Variants in EML1 observed in about 807,000 individuals in gnomAD.
EML1 encodes the protein EMAP like 1, also known as echinoderm microtubule-associated protein-like 1.
In EML1, 27 loss-of-function variants were observed where a neutral mutation model predicts 110.4. The ratio of observed to expected loss-of-function variants is 0.24; its 90% confidence interval spans 0.18 to 0.34. The LOEUF (loss-of-function observed/expected upper bound fraction) is 0.34. Among genes scored for constraint, EML1 ranks in the 10% least tolerant of loss-of-function variants. EML1 has a pLI of 1.00. For synonymous variants in EML1, 344 were observed against 385.8 expected, an observed-to-expected ratio of 0.89 and a Z score of 1.27; for missense variants, 741 against 1,030.9, an observed-to-expected ratio of 0.72 and a Z score of 3.85.
At chr14:99,889,887 C>T (rs2059556924) in intron 4 of EML1, among the ~76,000 whole-genome samples, 1 of 152,084 alleles carries the variant, frequency 6.6e-6, no homozygotes, top group Non-Finnish European at 1.5e-5. Context: ...CTATAGCTTA[C>T]AAAACTACTT....
chr14:99,894,401 G>T (rs180843922), intron 5 of EML1: 5 of 305,242 alleles, frequency 1.6e-5, no homozygotes, highest in Non-Finnish European at 1.7e-5. Context: ...TTACAATTTC[G>T]TAGGTATCTC....
At chr14:99,846,981 AGTG>A in intron 1 of EML1, among the ~76,000 whole-genome samples, 1 of 152,316 alleles carries the variant, frequency 6.6e-6, no homozygotes, top group South Asian at 2.1e-4. Flanking sequence ...TTTCTAAAAC[AGTG>A]GTTTTAAAGC....
intron 1 of EML1, among the ~76,000 whole-genome samples, chr14:99,807,858 T>G (rs2058006515): frequency 6.6e-6 from 1 of 152,164 alleles, no homozygotes; most frequent in African/African-American, 2.4e-5. Context: ...TGGGTTGACT[T>G]ATCCTCATTC....
At chr14:99,917,636 T>C in intron 15 of EML1, 146 bp from the exon 16 acceptor site, 1 of 753,954 alleles carries the variant, frequency 1.3e-6, no homozygotes, top group Non-Finnish European at 2.1e-6. Flanking sequence ...CATTTTTCTC[T>C]AGAAAAGAGA....
At chr14:99,793,227 CCACGTCCCCCTCCCGGCCCGG>C, upstream of EML1, 1 of 592,226 alleles carries the variant, frequency 1.7e-6, no homozygotes, top group Non-Finnish European at 2.1e-6. Flanking sequence ...CCCCGCCCCG[CCACGTCCCCCTCCCGGCCCGG>C]GCCCCGCGGC....
At chr14:99,803,214 G>A (rs578099261) in intron 1 of EML1, among the ~76,000 whole-genome samples, 3 of 152,248 alleles carry the variant, frequency 2.0e-5, no homozygotes, top group African/African-American at 7.2e-5. Context: ...TTATCTTATA[G>A]CACCTCCTCA....
chr14:99,809,523 G>A (rs1316487673), intron 1 of EML1: 5 of 402,432 alleles, frequency 1.2e-5, no homozygotes, highest in African/African-American at 6.2e-5. Flanking sequence ...CGCCCTGGTC[G>A]GCACCCTGGG....
chr14:99,879,339 T>C (rs2059347160), intron 4 of EML1, among the ~76,000 whole-genome samples: 1 of 152,230 alleles, frequency 6.6e-6, no homozygotes, highest in African/African-American at 2.4e-5. Flanking sequence ...TTACCTAACA[T>C]TGTACTTTGT....
intron 9 of EML1, among the ~76,000 whole-genome samples, chr14:99,901,768 C>A (rs1422813526): frequency 2.0e-5 from 3 of 152,132 alleles, no homozygotes; most frequent in African/African-American, 7.2e-5. Context: ...TTACTGCAAG[C>A]GGTTATATCA....
In EML1 at chr14:99,748,134, T is replaced by C. The variant is rs947729135; in HGVS notation, c.28+10274T>C. ...GCTGCAGCCAGGATTCCCGGGGCCC[T>C]GCAGGGTCTGTCAGGTGACCCTAGC... On this transcript the variant is annotated intron_variant, in intron 1 of 10. Coordinates refer to the EML1 transcript ENST00000554479. 1.2e-4 allele frequency among the ~76,000 whole-genome samples: 19 copies of C among 152,246 alleles called. No individual in the cohort carries two copies. In the East Asian group the frequency reaches 3.7e-3, roughly 30 times the overall value.
rs78864584 is a variant in EML1 at position 99,909,386 on chromosome 14, G to A, written c.1146G>A (p.Thr382=). ...TGTTTGCTGCGGATTTCCACCCCAC[G>A]GACACCAACATCATAGTTACTTGTG... is the stretch of plus-strand genomic sequence containing the variant. ...EAVFAADFHP[T]DTNIIVTCGK... is the part of the protein sequence containing the mutation. The change falls in exon 11 of 22, where the codon ACG becomes ACA. Residue 382 remains threonine (T), a synonymous_variant. Coordinates refer to ENST00000262233, the MANE Select transcript of EML1 (RefSeq NM_004434.3). 3.7e-5 allele frequency: 60 copies of A among 1,614,066 alleles called. No homozygotes were observed. The East Asian group carries it at 4.2e-4, about 11-fold the overall frequency.
chr14:99,829,423 T>A (rs768358409), intron 1 of EML1, among the ~76,000 whole-genome samples: 11 of 152,238 alleles, frequency 7.2e-5, no homozygotes, highest in Non-Finnish European at 1.3e-4. Context: ...TGAAAGCCAG[T>A]CTTTCAAAAT....
At chr14:99,917,047 G>A (rs2060045596) in intron 15 of EML1, among the ~76,000 whole-genome samples, 1 of 152,094 alleles carries the variant, frequency 6.6e-6, no homozygotes. Flanking sequence ...ATAGTGTTTT[G>A]CACCCAGTGG....
intron 1 of EML1, among the ~76,000 whole-genome samples, chr14:99,745,696 A>G (rs899905839): frequency 3.9e-5 from 6 of 152,224 alleles, no homozygotes; most frequent in Non-Finnish European, 8.8e-5. Context: ...CAAACTGTTT[A>G]GAGAACTCTC....
intron 17 of EML1, among the ~76,000 whole-genome samples, chr14:99,926,285 T>G (rs2060232342): frequency 1.6e-5 from 1 of 60,616 alleles, no homozygotes; most frequent in African/African-American, 5.6e-5. Context: ...TTTTTTGGGG[T>G]TTTTTTTTTC....
chr14:99,840,744 C>A (rs2058619096), intron 1 of EML1, among the ~76,000 whole-genome samples: 1 of 152,196 alleles, frequency 6.6e-6, no homozygotes. Flanking sequence ...GGAAGATTTA[C>A]AGAGTCAAGA....
intron 1 of EML1, among the ~76,000 whole-genome samples, chr14:99,779,101 TA>T (rs1247953040): frequency 6.6e-6 from 1 of 152,208 alleles, no homozygotes; most frequent in African/African-American, 2.4e-5. Flanking sequence ...TTTCTTGAAT[TA>T]TTTCTTTGAT....
rs1244832390 is a variant in EML1 at position 99,937,819 on chromosome 14, G to T, written c.2098G>T (p.Val700Phe). 1.9e-6 allele frequency: 3 copies of T among 1,613,910 alleles called. No individual in the cohort carries two copies. Among genetic ancestry groups the T allele is most frequent in the Admixed American group, 1.7e-5 (1 of 60,004 alleles). The change falls in exon 20 of 22, where the codon GTT (valine) becomes TTT (phenylalanine). Residue 700 changes from valine (V) to phenylalanine (F), a missense_variant and splice_region_variant. Around this residue, in one of 4 missense-constraint regions of EML1, gnomAD observed 388 missense variants for 605.6 expected, o/e 0.64. Transcript: ENST00000262233. Reference protein sequence around the residue: ...NSGDYEILYWVPSACKQVVSV... With the variant: ...NSGDYEILYWFPSACKQVVSV... Reference sequence around the variant, plus strand: ...GCCAGACTGTTTGCTTTTTGCAGGGGTTCCCTCTGCCTGTAAGCAAGTCGT... The same window carrying T: ...GCCAGACTGTTTGCTTTTTGCAGGGTTTCCCTCTGCCTGTAAGCAAGTCGT...
intron 3 of EML1, among the ~76,000 whole-genome samples, chr14:99,869,893 A>G (rs555546606): frequency 6.6e-6 from 1 of 152,084 alleles, no homozygotes; most frequent in African/African-American, 2.4e-5. Context: ...CATGATTGAA[A>G]ACTCCCTGAG....
Sources: allele counts gnomAD v4.1 joint callset (sites outside exome capture counted in the v4.1 genomes callset), GRCh38; gene constraint gnomAD v4.1.1; regional missense constraint gnomAD v4.1.1; transcripts MANE v1.5; gene names NCBI Gene and HGNC (gene_info 2026-07-23, HGNC 2026-07-21).